Variants in TANC2 observed in about 807,000 individuals in gnomAD.
TANC2 encodes tetratricopeptide repeat, ankyrin repeat and coiled-coil containing 2.
TANC2 carries 26 observed loss-of-function variants against 210.5 expected under a neutral mutation model. The ratio of observed to expected loss-of-function variants is 0.12; its 90% CI spans 0.09 to 0.17. The LOEUF is 0.17. TANC2 is among the 10% of genes least tolerant of loss of function. TANC2 has a pLI of 1.00. For synonymous variants in TANC2, 931 were observed against 967.1 expected (o/e 0.96, Z 0.69); for missense variants, 2,129 against 2,608.9 (o/e 0.82, Z 4.01).
At chr17:63,278,901 T>C (rs1194725983) in intron 9 of TANC2, among the ~76,000 whole-genome samples, 2 of 151,846 alleles carry the variant, frequency 1.3e-5, no homozygotes, top group African/African-American at 2.4e-5. Context: ...AAAGTAACCA[T>C]CAGAATAGAA....
intron 1 of TANC2, among the ~76,000 whole-genome samples, chr17:62,977,668 C>T (rs1454381464): frequency 6.6e-6 from 1 of 151,932 alleles, no homozygotes; most frequent in East Asian, 1.9e-4. Flanking sequence ...AATATTCTCC[C>T]CATCCCCTAA....
intron 3 of TANC2, among the ~76,000 whole-genome samples, chr17:63,082,934 CAA>C (rs1397557576): frequency 1.3e-5 from 2 of 152,178 alleles, no homozygotes; most frequent in Non-Finnish European, 2.9e-5. Flanking sequence ...TGTTCCCTTT[CAA>C]AGAGATACAG....
At chr17:63,245,773 G>C (rs537582759) in intron 8 of TANC2, among the ~76,000 whole-genome samples, 1 of 151,664 alleles carries the variant, frequency 6.6e-6, no homozygotes, top group African/African-American at 2.4e-5. Flanking sequence ...AACCCGGGAG[G>C]TGGAGGTTGC....
intron 2 of TANC2, among the ~76,000 whole-genome samples, chr17:63,012,863 A>G (rs2033934936): frequency 6.6e-6 from 1 of 151,810 alleles, no homozygotes; most frequent in Admixed American, 6.6e-5. Flanking sequence ...TATGTTTCCC[A>G]AGGCTGGTCT....
At chr17:62,988,525 G>A (rs1057193565) in intron 1 of TANC2, among the ~76,000 whole-genome samples, 2 of 152,070 alleles carry the variant, frequency 1.3e-5, no homozygotes, top group African/African-American at 4.8e-5. Flanking sequence ...TTCTCTGATT[G>A]TTTGTTGGGA....
intron 4 of TANC2, chr17:63,120,688 C>T (rs529133892): frequency 6.6e-6 from 1 of 151,654 alleles, no homozygotes; most frequent in South Asian, 2.1e-4. Flanking sequence ...GTGGTGCACA[C>T]CTCTGGTCCC....
chr17:63,281,520 A>T (rs758871389), intron 9 of TANC2, among the ~76,000 whole-genome samples: 1 of 152,114 alleles, frequency 6.6e-6, no homozygotes, highest in Non-Finnish European at 1.5e-5. Context: ...AACCGAAGAG[A>T]ATTTGAATCC....
intron 2 of TANC2, among the ~76,000 whole-genome samples, chr17:63,033,171 A>G (rs969495900): frequency 2.6e-5 from 4 of 152,114 alleles, no homozygotes; most frequent in Admixed American, 2.0e-4. Context: ...AGCTCTGTCA[A>G]CCCCATTGTT....
At chr17:63,327,065 G>T (rs1250054504) in intron 11 of TANC2, among the ~76,000 whole-genome samples, 1 of 152,106 alleles carries the variant, frequency 6.6e-6, no homozygotes, top group African/African-American at 2.4e-5. Flanking sequence ...AATGGGCAAA[G>T]GACCTGAACA....
intron 9 of TANC2, among the ~76,000 whole-genome samples, chr17:63,314,027 C>T (rs549335989): frequency 4.9e-4 from 75 of 152,318 alleles, no homozygotes; most frequent in African/African-American, 1.8e-3. Context: ...TATCCCGTGG[C>T]GTAGCAGGAG....
At chr17:62,985,660 A>G (rs987319480) in intron 1 of TANC2, among the ~76,000 whole-genome samples, 5 of 152,024 alleles carry the variant, frequency 3.3e-5, no homozygotes, top group South Asian at 2.1e-4. Flanking sequence ...GAAGCTCTCA[A>G]TTGGATTTTT....
exon 28 of TANC2, chr17:63,427,505 G>C (rs2049172549): frequency 6.6e-6 from 1 of 152,246 alleles, no homozygotes; most frequent in South Asian, 2.1e-4. Flanking sequence ...ATCTACCCCT[G>C]TGTATAAGGA....
At chr17:63,030,350 G>A (rs894385372) in intron 2 of TANC2, among the ~76,000 whole-genome samples, 5 of 151,994 alleles carry the variant, frequency 3.3e-5, no homozygotes, top group African/African-American at 1.2e-4. Flanking sequence ...ACAATTACAG[G>A]TAAATTAATT....
chr17:63,115,035 T>C (rs2038200335), intron 4 of TANC2, among the ~76,000 whole-genome samples: 1 of 152,192 alleles, frequency 6.6e-6, no homozygotes, highest in Admixed American at 6.5e-5. Context: ...ATCTCTCTAA[T>C]GCAAAGATCT....
At chr17:63,180,960 G>A (rs2040760205) in intron 5 of TANC2, among the ~76,000 whole-genome samples, 1 of 142,534 alleles carries the variant, frequency 7.0e-6, no homozygotes, top group South Asian at 2.3e-4. Context: ...AGAGGCAGAG[G>A]TTGCAGTGAG....
chr17:63,367,243 GA>G (rs1348393643), intron 14 of TANC2, among the ~76,000 whole-genome samples: 4 of 152,152 alleles, frequency 2.6e-5, no homozygotes, highest in Non-Finnish European at 4.4e-5. Context: ...AACCACTAGA[GA>G]AACTTAGGTG....
chr17:63,252,677 A>G (rs1017923660), intron 8 of TANC2, among the ~76,000 whole-genome samples: 3 of 152,194 alleles, frequency 2.0e-5, no homozygotes, highest in African/African-American at 7.2e-5. Context: ...TTCACTTAAC[A>G]TAATGACCTC....
chr17:62,968,132 C>G (rs1568282661), intron 1 of TANC2, among the ~76,000 whole-genome samples: 1 of 152,110 alleles, frequency 6.6e-6, no homozygotes, highest in Non-Finnish European at 1.5e-5. Context: ...CAGAACATAG[C>G]TGGAATTTCA....
chr17:63,288,376 C>A (rs955817736), intron 9 of TANC2, among the ~76,000 whole-genome samples: 1 of 152,186 alleles, frequency 6.6e-6, no homozygotes. Flanking sequence ...CCATTGTGAT[C>A]TGAGAGCAGA....
Sources: gnomAD v4.1 joint callset for allele counts (sites outside exome capture counted in the v4.1 genomes callset) on GRCh38, gnomAD v4.1.1 for gene constraint, MANE v1.5 for transcripts, NCBI Gene and HGNC (gene_info 2026-07-23, HGNC 2026-07-21) for gene names.